RELN: variants seen among roughly 807,000 people sequenced by gnomAD.
RELN encodes reelin.
Under a neutral mutation model 427.6 loss-of-function variants are expected in RELN, and 108 were observed. The observed-to-expected ratio is 0.25, with a 90% CI of 0.22 to 0.30. RELN has a LOEUF of 0.30. RELN is among the 10% of genes least tolerant of loss of function. The pLI is 1.00. For missense variants in RELN, 3,715 were observed against 4,302.8 expected, an observed-to-expected ratio of 0.86 and a Z score of 3.82; for synonymous variants, 1,524 against 1,513.4, an observed-to-expected ratio of 1.01 and a Z score of -0.16.
chr7:103,691,294 C>G (rs1218756966), intron 10 of RELN, among the ~76,000 whole-genome samples: 1 of 152,056 alleles, frequency 6.6e-6, no homozygotes, highest in African/African-American at 2.4e-5. Flanking sequence ...TTGAGATAAA[C>G]AAGAATAGGC....
At chr7:103,587,506 A>C (rs1195566267) in intron 28 of RELN, among the ~76,000 whole-genome samples, 1 of 152,194 alleles carries the variant, frequency 6.6e-6, no homozygotes, top group Admixed American at 6.5e-5. Flanking sequence ...CACAGCCAAC[A>C]AAAACAAAAA....
At chr7:103,599,861 A>G (rs987126866) in intron 24 of RELN, among the ~76,000 whole-genome samples, 2 of 152,070 alleles carry the variant, frequency 1.3e-5, no homozygotes, top group African/African-American at 4.8e-5. Context: ...AATATTTGTG[A>G]TCGGATAGGG....
intron 63 of RELN, among the ~76,000 whole-genome samples, chr7:103,479,487 T>A (rs544073749): frequency 6.6e-6 from 1 of 152,210 alleles, no homozygotes; most frequent in Non-Finnish European, 1.5e-5. Context: ...TAATCTGTTA[T>A]ACGGCAGATT....
intron 1 of RELN, among the ~76,000 whole-genome samples, chr7:103,918,501 C>T (rs1297824921): frequency 1.3e-5 from 2 of 152,088 alleles, no homozygotes; most frequent in African/African-American, 4.8e-5. Flanking sequence ...TTTCCTGTTT[C>T]TTCTTTGCTC....
Position 103,500,926 on chromosome 7 carries a change from T to C in RELN, c.8490-4A>G, listed in dbSNP as rs759954678. On this transcript the variant is annotated splice_region_variant and splice_polypyrimidine_tract_variant and intron_variant, in intron 52 of 64. Coordinates refer to ENST00000428762, the MANE Select transcript of RELN (RefSeq NM_005045.4). ...ATAGAACCTAAACCTTACCGGACTA[T>C]TGACAATGCAAAAGCAAAGGAGTGA... The C allele has an allele frequency of 3.5e-5, 56 of 1,613,852 alleles. No individual in the cohort carries two copies. The highest frequency in any genetic ancestry group is 3.7e-5 in the Non-Finnish European group (44 of 1,179,878).
intron 4 of RELN, among the ~76,000 whole-genome samples, chr7:103,773,030 G>A (rs200520663): frequency 6.6e-6 from 1 of 152,128 alleles, no homozygotes; most frequent in East Asian, 1.9e-4. Flanking sequence ...GTTCCCAAAG[G>A]AGGCACTGCT....
chr7:103,558,638 A>G (rs1033457308), intron 36 of RELN, among the ~76,000 whole-genome samples: 1 of 152,220 alleles, frequency 6.6e-6, no homozygotes, highest in Non-Finnish European at 1.5e-5. Flanking sequence ...ATGAACAAGG[A>G]AAGAGATCAC....
At position 103,844,734 on chromosome 7, in the gene RELN, G is replaced by A. The variant is rs141030510; in HGVS notation, c.338-11062C>T. Among the ~76,000 whole-genome samples, 689 of 152,262 alleles carry A rather than the reference G, an allele frequency of 4.5e-3. 3 individuals are homozygous for A. The highest frequency in any genetic ancestry group is 0.016 in the African/African-American group (668 of 41,550). On this transcript the variant is annotated intron_variant, in intron 2 of 64. Transcript: ENST00000428762. Reference sequence around the variant, plus strand: ...TAAGATCTACTCAATAGAACTGTGGGAATGATTAAGTAAAACAATTCATAT... The same window carrying A: ...TAAGATCTACTCAATAGAACTGTGGAAATGATTAAGTAAAACAATTCATAT...
At chr7:103,773,509 G>A (rs1563005078) in intron 4 of RELN, among the ~76,000 whole-genome samples, 1 of 142,958 alleles carries the variant, frequency 7.0e-6, no homozygotes, top group Non-Finnish European at 1.5e-5. Context: ...TCTCACTGTT[G>A]CTCAGGCTGG....
rs530558850 is a variant in RELN, at chr7:103,534,738, G to A, written c.7349+578C>T. Among the ~76,000 whole-genome samples the A allele has an allele frequency of 1.2e-4, 19 of 152,092 alleles. No homozygotes were observed. The South Asian group carries it at 1.7e-3, about 13-fold the overall frequency. On this transcript the variant is annotated intron_variant, in intron 46 of 64. Transcript: ENST00000428762. ...ACTCCTAGTCTCAAGTGATCCTTCC[G>A]TACCAGGCAATTTTATTAAGCCCTG...
intron 5 of RELN, among the ~76,000 whole-genome samples, chr7:103,752,275 C>A (rs908954249): frequency 1.3e-5 from 2 of 152,140 alleles, no homozygotes; most frequent in Non-Finnish European, 2.9e-5. Context: ...TGAGATAAAC[C>A]CAGGCAGTTT....
At chr7:103,867,111 A>T (rs1190290484) in intron 2 of RELN, among the ~76,000 whole-genome samples, 1 of 152,152 alleles carries the variant, frequency 6.6e-6, no homozygotes, top group Non-Finnish European at 1.5e-5. Context: ...AATAGATGTT[A>T]CATGAGTTCT....
intron 3 of RELN, among the ~76,000 whole-genome samples, 187 bp from the exon 4 acceptor site, chr7:103,776,814 G>A (rs546048846): frequency 4.9e-4 from 74 of 152,288 alleles, no homozygotes; most frequent in African/African-American, 1.7e-3. Flanking sequence ...CTGGGTTGAG[G>A]ACTGTCTTCT....
At chr7:103,829,783 A>G (rs999792625) in intron 3 of RELN, among the ~76,000 whole-genome samples, 2 of 152,030 alleles carry the variant, frequency 1.3e-5, no homozygotes, top group Non-Finnish European at 2.9e-5. Context: ...CGGGAAAGGC[A>G]CACACAGCAC....
At chr7:103,509,617 A>G (rs1829330120) in intron 51 of RELN, among the ~76,000 whole-genome samples, 1 of 152,200 alleles carries the variant, frequency 6.6e-6, no homozygotes, top group African/African-American at 2.4e-5. Flanking sequence ...TGACTAAAAC[A>G]CCAAAAGCAA....
intron 1 of RELN, among the ~76,000 whole-genome samples, chr7:103,936,424 T>C (rs1215335445): frequency 6.6e-6 from 1 of 152,126 alleles, no homozygotes; most frequent in African/African-American, 2.4e-5. Flanking sequence ...GTGTTCATTC[T>C]AGTGTGCCTC....
intron 3 of RELN, among the ~76,000 whole-genome samples, chr7:103,804,172 T>A (rs1232156656): frequency 6.6e-6 from 1 of 152,114 alleles, no homozygotes; most frequent in African/African-American, 2.4e-5. Flanking sequence ...TATCTTGCAT[T>A]TGTTTATGGA....
intron 22 of RELN, among the ~76,000 whole-genome samples, chr7:103,608,027 T>C (rs1831858599): frequency 1.3e-5 from 2 of 152,216 alleles, no homozygotes; most frequent in Admixed American, 1.3e-4. Flanking sequence ...AGTTAACAAA[T>C]ATGTGATAAT....
At chr7:103,772,662 CA>C (rs1250417978) in intron 4 of RELN, among the ~76,000 whole-genome samples, 1 of 152,064 alleles carries the variant, frequency 6.6e-6, no homozygotes, top group African/African-American at 2.4e-5. Context: ...TTAGACAGAA[CA>C]AAAGGATGTA....
Sources: allele counts gnomAD v4.1 joint callset (sites outside exome capture counted in the v4.1 genomes callset), GRCh38; gene constraint gnomAD v4.1.1; transcripts MANE v1.5; gene names NCBI Gene and HGNC (gene_info 2026-07-23, HGNC 2026-07-21).